Variants in PCMTD1 observed in about 807,000 individuals in gnomAD.
PCMTD1 encodes the protein protein-L-isoaspartate (D-aspartate) O-methyltransferase domain containing 1.
In PCMTD1, 12 loss-of-function variants were observed where a neutral mutation model predicts 37.6. The observed-to-expected ratio is 0.32, with a 90% confidence interval of 0.20 to 0.52. The LOEUF (loss-of-function observed/expected upper bound fraction) is 0.52, where lower values mean the gene tolerates loss of function less well. Ranked by LOEUF, PCMTD1 falls within the 20% of genes least tolerant of loss-of-function variation. The probability of loss-of-function intolerance (pLI) is 0.97; values close to 1 mark genes in which losing one functional copy is unlikely to be tolerated. For missense variants in PCMTD1, 235 were observed against 421.3 expected, an observed-to-expected ratio of 0.56 and a Z score of 3.87; for synonymous variants, 117 against 135.8, an observed-to-expected ratio of 0.86 and a Z score of 0.96.
chr8:51,832,092 G>GA (rs1351039958), intron 4 of PCMTD1, among the ~76,000 whole-genome samples: 2 of 152,028 alleles, frequency 1.3e-5, no homozygotes, highest in South Asian at 2.1e-4. Flanking sequence ...CTGGTCACGG[G>GA]AAAAAAATAT....
chr8:51,880,208 G>A (rs2038772556), intron 1 of PCMTD1, among the ~76,000 whole-genome samples: 3 of 148,260 alleles, frequency 2.0e-5, no homozygotes, highest in African/African-American at 5.1e-5. Flanking sequence ...TCCTTTTAAT[G>A]AAAAAAAAAA....
intron 2 of PCMTD1, among the ~76,000 whole-genome samples, chr8:51,856,729 T>A (rs1451752129): frequency 6.6e-6 from 1 of 152,196 alleles, no homozygotes; most frequent in Non-Finnish European, 1.5e-5. Flanking sequence ...GAAAATGTAA[T>A]GCTAAGTGAA....
chr8:51,897,742 C>G (rs1295868207), intron 1 of PCMTD1, among the ~76,000 whole-genome samples: 1 of 152,068 alleles, frequency 6.6e-6, no homozygotes, highest in Non-Finnish European at 1.5e-5. Flanking sequence ...ACTTGGCGAC[C>G]ATGTTTAACA....
In PCMTD1 at chr8:51,818,480, T is replaced by C. The variant is rs1259641883; in HGVS notation, c.*1871A>G. 2 of 150,048 alleles carry C rather than the reference T, an allele frequency of 1.3e-5. No individual in the cohort carries two copies. The highest frequency in any genetic ancestry group is 2.9e-5 in the Non-Finnish European group (2 of 68,218). 9.3% of individuals were successfully genotyped at this position (150,048 alleles called of 1,614,324 possible). ...TCTCCAGGTTTTCCAGATAAAAACA[T>C]GTGGTCACCAGGAATTCAAGGTAAC... On this transcript the variant is annotated 3_prime_UTR_variant, in exon 6 of 6. Coordinates refer to ENST00000522514, the MANE Select transcript of PCMTD1 (RefSeq NM_052937.4).
At chr8:51,860,636 GT>G (rs2038458178) in intron 2 of PCMTD1, 1 of 481,094 alleles carries the variant, frequency 2.1e-6, no homozygotes, top group Admixed American at 3.6e-5. Flanking sequence ...AGAACAGTTA[GT>G]TTCCAGAGCT....
At chr8:51,821,839 G>C (rs4873609) in intron 5 of PCMTD1, among the ~76,000 whole-genome samples, 72 of 151,762 alleles carry the variant, frequency 4.7e-4, no homozygotes, top group African/African-American at 1.6e-3. Flanking sequence ...GGGTTCAAGC[G>C]ATTCTCCTGC....
chr8:51,845,466 TTATA>T (rs1301208156), intron 3 of PCMTD1, 191 bp downstream of exon 3: 4 of 424,412 alleles, frequency 9.4e-6, no homozygotes, highest in African/African-American at 5.9e-5. Flanking sequence ...ATCACATTAT[TTATA>T]ATTTACTATA....
chr8:51,848,940 C>T (rs1400853090), intron 2 of PCMTD1: 2 of 151,876 alleles, frequency 1.3e-5, no homozygotes, highest in Admixed American at 1.3e-4. Flanking sequence ...TAATAAAAGG[C>T]AGAATTTAAA....
intron 5 of PCMTD1, 144 bp from the exon 6 acceptor site, chr8:51,820,862 A>C: frequency 3.0e-6 from 3 of 1,006,526 alleles, no homozygotes; most frequent in Non-Finnish European, 4.2e-6. Flanking sequence ...TCATCTAACA[A>C]AGGTTTTGGA....
chr8:51,837,777 C>T (rs61603580), intron 3 of PCMTD1, among the ~76,000 whole-genome samples: 1 of 151,836 alleles, frequency 6.6e-6, no homozygotes, highest in Admixed American at 6.6e-5. Flanking sequence ...ACTTATCTAT[C>T]TATTTATTTA....
chr8:51,864,176 A>C (rs925873493), intron 1 of PCMTD1, among the ~76,000 whole-genome samples: 5 of 152,210 alleles, frequency 3.3e-5, no homozygotes, highest in East Asian at 1.9e-4. Flanking sequence ...GAAGCAAAGA[A>C]GGCCATTATT....
At chr8:51,873,598 G>C (rs13267846) in intron 1 of PCMTD1, among the ~76,000 whole-genome samples, 1 of 151,890 alleles carries the variant, frequency 6.6e-6, no homozygotes, top group African/African-American at 2.4e-5. Context: ...CCCAATTGCA[G>C]GCAGTGATTG....
chr8:51,851,282 G>A (rs1254290627), intron 2 of PCMTD1, among the ~76,000 whole-genome samples: 1 of 152,140 alleles, frequency 6.6e-6, no homozygotes, highest in Admixed American at 6.5e-5. Context: ...GCTCCTCTCA[G>A]TCAATGGCTA....
chr8:51,865,365 C>T (rs946174138), intron 1 of PCMTD1, among the ~76,000 whole-genome samples: 3 of 152,042 alleles, frequency 2.0e-5, no homozygotes, highest in African/African-American at 7.2e-5. Flanking sequence ...TAGATAAGGA[C>T]ACTACAAGAA....
Position 51,860,945 on chromosome 8 carries a change from A to G in PCMTD1, c.207T>C (p.Tyr69=). The G allele has an allele frequency of 2.5e-6, 4 of 1,614,158 alleles. No homozygotes were observed. The highest frequency in any genetic ancestry group is 2.2e-5 in the East Asian group (1 of 44,878). ...GTTTCAATGCTTCCATAACTTCAGAATAAATGCAAGGTGCTGACAAGTGGA... is the reference window on the plus strand; with the variant it reads ...GTTTCAATGCTTCCATAACTTCAGAGTAAATGCAAGGTGCTGACAAGTGGA... ...GNIHLSAPCI[Y]SEVMEALKLQ... Residue 69 remains tyrosine, a synonymous_variant, in exon 2 of 6, where the codon TAT becomes TAC. Transcript: ENST00000522514.
At chr8:51,864,226 T>C (rs2038517420) in intron 1 of PCMTD1, among the ~76,000 whole-genome samples, 1 of 152,204 alleles carries the variant, frequency 6.6e-6, no homozygotes, top group South Asian at 2.1e-4. Context: ...TTTAAATATA[T>C]ATGCAGTCAA....
intron 5 of PCMTD1, among the ~76,000 whole-genome samples, chr8:51,830,990 A>G (rs1338645184): frequency 1.3e-5 from 1 of 79,314 alleles, no homozygotes; most frequent in Non-Finnish European, 4.4e-5. Context: ...TGAGGGCTTT[A>G]TTTTACCAAA....
intron 1 of PCMTD1, among the ~76,000 whole-genome samples, chr8:51,883,986 T>G (rs1025743973): frequency 3.4e-4 from 52 of 152,228 alleles, no homozygotes; most frequent in African/African-American, 1.2e-3. Flanking sequence ...TTCGCTGTCA[T>G]GCATCAGACA....
chr8:51,898,743 C>A (rs564419577), intron 1 of PCMTD1, among the ~76,000 whole-genome samples, 187 bp downstream of exon 1: 230 of 150,976 alleles, frequency 1.5e-3, no homozygotes, highest in Non-Finnish European at 2.6e-3. Context: ...CTTCCCCCAA[C>A]CTGCCCCGCA....
Sources: gnomAD v4.1 joint callset for allele counts (sites outside exome capture counted in the v4.1 genomes callset) on GRCh38, gnomAD v4.1.1 for gene constraint, MANE v1.5 for transcripts, NCBI Gene and HGNC (gene_info 2026-07-23, HGNC 2026-07-21) for gene names.